CIZ1: variants seen among roughly 807,000 people sequenced by gnomAD.
CIZ1 encodes cip1-interacting zinc finger protein.
A neutral mutation model predicts 118.6 loss-of-function variants in CIZ1; 58 were observed. That is an observed-to-expected ratio of 0.49 (90% confidence interval 0.40 to 0.61). The LOEUF is 0.61. Among genes scored for constraint, CIZ1 ranks in the 20% least tolerant of loss-of-function variants. The pLI, the probability that CIZ1 is intolerant of heterozygous loss-of-function variation, is 0.00. For missense variants in CIZ1, 921 were observed against 1,115.9 expected, an observed-to-expected ratio of 0.83 and a Z score of 2.49; for synonymous variants, 448 against 443.4, an observed-to-expected ratio of 1.01 and a Z score of -0.13.
upstream of CIZ1, among the ~76,000 whole-genome samples, chr9:128,195,687 A>G (rs1031716651): frequency 2.0e-5 from 3 of 152,106 alleles, no homozygotes; most frequent in Non-Finnish European, 4.4e-5. Context: ...ATCCCTTCTC[A>G]TGATGATGTC....
intron 9 of CIZ1, 99 bp downstream of exon 9, chr9:128,178,270 A>G: frequency 7.2e-7 from 1 of 1,389,504 alleles, no homozygotes; most frequent in Non-Finnish European, 9.7e-7. Flanking sequence ...CGGTGGGGGA[A>G]ACACAAGGAG....
At chr9:128,190,290 A>G in intron 3 of CIZ1, 39 bp downstream of exon 3, 1 of 1,419,342 alleles carries the variant, frequency 7.0e-7, no homozygotes, top group Non-Finnish European at 9.9e-7. Context: ...GGGAGCTACC[A>G]CTAAAAGAGA....
intron 1 of CIZ1, among the ~76,000 whole-genome samples, chr9:128,199,537 C>CA (rs904323566): frequency 9.9e-5 from 15 of 150,882 alleles, no homozygotes; most frequent in Non-Finnish European, 1.3e-4. Context: ...CCCGTCTGTA[C>CA]AAAAAAAAAT....
chr9:128,179,375 G>A lies in CIZ1; in HGVS notation c.832C>T (p.Gln278Ter). The A allele has an allele frequency of 1.2e-6, 2 of 1,612,366 alleles. No homozygotes were observed. Among genetic ancestry groups the A allele is most frequent in the Non-Finnish European group, 1.7e-6 (2 of 1,179,288 alleles). Residue 278 changes from glutamine to a stop codon, truncating the protein, a stop_gained, in exon 8 of 17, where the codon CAG (glutamine) becomes TAG (stop). Transcript: ENST00000372938. LOFTEE classifies it high-confidence loss of function. The stretch of plus-strand genomic sequence containing the variant: ...CGGGCCTGCGGCTGGGCCTTCACCT[G>A]TAACTGCCCTGGAGGTTCCTTCTCT... The part of the protein sequence containing the change: ...PTEKEPPGQL[Q>*]VKAQPQARMT...
chr9:128,194,116 C>G (rs1167921605), upstream of CIZ1, among the ~76,000 whole-genome samples: 1 of 152,100 alleles, frequency 6.6e-6, no homozygotes, highest in Non-Finnish European at 1.5e-5. Context: ...AATCCCAGCA[C>G]TTTGGGAGGC....
intron 10 of CIZ1, 28 bp downstream of exon 10, chr9:128,177,538 T>TATATA: frequency 5.1e-6 from 2 of 395,090 alleles, no homozygotes; most frequent in Non-Finnish European, 9.4e-6. Context: ...GCCCCACCCC[T>TATATA]CCCCACCCTT....
intron 3 of CIZ1, among the ~76,000 whole-genome samples, chr9:128,188,777 C>T (rs958118279): frequency 2.0e-5 from 3 of 151,844 alleles, no homozygotes; most frequent in South Asian, 2.1e-4. Context: ...GGATTACAGG[C>T]GCACGCCACC....
intron 1 of CIZ1, among the ~76,000 whole-genome samples, chr9:128,202,536 C>T (rs1833561432): frequency 6.6e-6 from 1 of 152,124 alleles, no homozygotes; most frequent in Admixed American, 6.5e-5. Flanking sequence ...TCTGCACTTG[C>T]TGGTCATTCA....
At position 128,169,116 on chromosome 9, in the gene CIZ1, T is replaced by C. The variant is rs1336669113; in HGVS notation, c.2231A>G (p.Glu744Gly). The change falls in exon 14 of 17, where the codon GAA becomes GGA. Residue 744 changes from glutamate (E) to glycine (G), a missense_variant. By Grantham distance (98) the Glu-to-Gly change is moderately conservative. Coordinates refer to ENST00000372938, the MANE Select transcript of CIZ1 (RefSeq NM_001131016.2). Reference protein sequence around the residue: ...VDAVGCFEGDEEEEEDDEDEE... With the variant: ...VDAVGCFEGDGEEEEDDEDEE... ...ATCCTCATCATCCTCTTCCTCTTCT[T>C]CATCACCCTCGAAGCAACCCACAGC... 4 of 1,614,124 alleles carry C rather than the reference T, an allele frequency of 2.5e-6. No individual in the cohort carries two copies. Among genetic ancestry groups the C allele is most frequent in the Non-Finnish European group, 3.4e-6 (4 of 1,180,004 alleles).
Position 128,203,352 on chromosome 9 carries a change from G to C in CIZ1, c.-6+834C>G, listed in dbSNP as rs1194489455. 4 of 1,016,602 alleles carry C rather than the reference G, an allele frequency of 3.9e-6. No homozygotes were observed. The highest frequency in any genetic ancestry group is 5.0e-6 in the Non-Finnish European group (4 of 795,578). The allele number at this position is 1,016,602 out of a possible 1,614,324, so 63.0% of individuals were successfully genotyped here. On this transcript the variant is annotated intron_variant, in intron 1 of 17. Transcript: ENST00000372948. This position sits in a 1 kb window ranked among gnomAD's most constrained non-coding sequence, Gnocchi z 5.3. ...GGGAGCGGTGCTCGCTCCGATCCCC[G>C]AGGGGCGGGGGCCCCGCGGCGCAGG...
rs1183671520 is a variant in CIZ1, at chr9:128,179,321, G to T, written c.886C>A (p.Pro296Thr). 6.2e-7 allele frequency: 1 copy of T among 1,614,088 alleles called. No individual in the cohort carries two copies. The highest frequency in any genetic ancestry group is 1.1e-5 in the South Asian group (1 of 91,074). ...RMTVPKQTQT[P>T]DLLPEALEAQ... ...TCCAGGGCCTCAGGCAGCAGGTCTGGTGTCTGTGTCTGTTTCGGTACTGTC... is the reference window on the plus strand; with the variant it reads ...TCCAGGGCCTCAGGCAGCAGGTCTGTTGTCTGTGTCTGTTTCGGTACTGTC... Residue 296 changes from proline to threonine, a missense_variant, in exon 8 of 17, where the codon CCA (proline) becomes ACA (threonine). Coordinates refer to ENST00000372938, the MANE Select transcript of CIZ1 (RefSeq NM_001131016.2).
chr9:128,182,810 G>T (rs924410354), intron 5 of CIZ1, among the ~76,000 whole-genome samples: 2 of 151,398 alleles, frequency 1.3e-5, no homozygotes, highest in Admixed American at 1.3e-4. Flanking sequence ...CTTCCATAGA[G>T]CCAGGGTCTC....
At position 128,180,440 on chromosome 9, in the gene CIZ1, C is replaced by T. The variant is rs763060495; in HGVS notation, c.766G>A (p.Glu256Lys). The change falls in exon 7 of 17, where the codon GAG (glutamate) becomes AAG (lysine). Residue 256 changes from glutamate (E) to lysine (K), a missense_variant. By Grantham distance (56) the Glu-to-Lys change is moderately conservative (BLOSUM62 1). Coordinates refer to ENST00000372938, the MANE Select transcript of CIZ1 (RefSeq NM_001131016.2). ...APEPEPCEAS[E>K]LPAKRLRSSE... ...CTCCTCAATCTCTTTGCTGGCAGCT[C>T]GGACGCCTCACAAGGCTCAGGCTCA... 48 of 1,613,984 alleles carry T rather than the reference C, an allele frequency of 3.0e-5. No individual in the cohort carries two copies. The highest frequency in any genetic ancestry group is 6.7e-5 in the African/African-American group (5 of 74,908).
rs1201338145 is a variant in CIZ1 at position 128,180,781 on chromosome 9, T to G, written c.622A>C (p.Lys208Gln). 5 of 1,611,980 alleles carry G rather than the reference T, an allele frequency of 3.1e-6. No homozygotes were observed. The African/African-American group carries it at 6.7e-5, about 22-fold the overall frequency. The change falls in exon 6 of 17, where the codon AAG (lysine) becomes CAG (glutamine). Residue 208 changes from lysine to glutamine, a missense_variant. Physicochemically the swap from Lys to Gln is moderately conservative, Grantham distance 53 (BLOSUM62 1). Transcript: ENST00000372938. ...SSSQTMPVED[K>Q]SDPPEGSEEA... ...TCAGACCCCTCTGGGGGGTCTGACT[T>G]GTCTTCCACAGGCATTGTCTGAGAA...
intron 3 of CIZ1, among the ~76,000 whole-genome samples, chr9:128,188,643 TC>T (rs1271195687): frequency 2.6e-5 from 4 of 151,850 alleles, no homozygotes; most frequent in East Asian, 3.9e-4. Context: ...TTTTTTTTTT[TC>T]TTTTTTTGAG....
chr9:128,200,336 A>G lies in CIZ1; in HGVS notation c.-6+3850T>C, dbSNP rs559159154. Among the ~76,000 whole-genome samples, 18 of 152,108 alleles carry G rather than the reference A, an allele frequency of 1.2e-4. No individual in the cohort carries two copies. The South Asian group carries it at 3.7e-3, about 32-fold the overall frequency. ...AAAGTCTGGTTTTACAATAAGTTTC[A>G]ATATTGTAATTAGGGGGGAAAAAGT... On this transcript the variant is annotated intron_variant, in intron 1 of 17. Coordinates refer to the CIZ1 transcript ENST00000372948.
Position 128,179,330 on chromosome 9 carries a change from T to C in CIZ1, c.877A>G (p.Thr293Ala). ...PQARMTVPKQ[T>A]QTPDLLPEAL... The stretch of plus-strand genomic sequence containing the variant: ...TCAGGCAGCAGGTCTGGTGTCTGTG[T>C]CTGTTTCGGTACTGTCATCCGGGCC... Residue 293 changes from threonine (T) to alanine (A), a missense_variant, in exon 8 of 17, where the codon ACA becomes GCA. By Grantham distance (58) the Thr-to-Ala change is moderately conservative. Transcript: ENST00000372938. 1 of 1,614,170 alleles carries C rather than the reference T, an allele frequency of 6.2e-7. No homozygotes were observed. The highest frequency in any genetic ancestry group is 8.5e-7 in the Non-Finnish European group (1 of 1,180,038).
chr9:128,194,998 T>C (rs1419089809), upstream of CIZ1, among the ~76,000 whole-genome samples: 2 of 152,050 alleles, frequency 1.3e-5, no homozygotes, highest in East Asian at 3.9e-4. Context: ...TTGTATTTTT[T>C]TTTTTAAAGA....
At chr9:128,174,413 G>A (rs1434428253) in intron 11 of CIZ1, among the ~76,000 whole-genome samples, 3 of 152,346 alleles carry the variant, frequency 2.0e-5, no homozygotes, top group Non-Finnish European at 4.4e-5. Flanking sequence ...GGTGCCCACT[G>A]TAGTGAGAGA....
Sources: allele counts gnomAD v4.1 joint callset (sites outside exome capture counted in the v4.1 genomes callset), GRCh38; gene constraint gnomAD v4.1.1; non-coding constraint Gnocchi (gnomAD v3.1); transcripts MANE v1.5; gene names NCBI Gene and HGNC (gene_info 2026-07-23, HGNC 2026-07-21).